R3HCC1L: variants seen among roughly 807,000 people sequenced by gnomAD.
R3HCC1L encodes R3H domain and coiled-coil containing 1 like.
Under a neutral mutation model 59.9 loss-of-function variants are expected in R3HCC1L, and 51 were observed. That is an observed-to-expected ratio of 0.85 (90% confidence interval 0.68 to 1.07). R3HCC1L has a LOEUF of 1.07. Ranked by LOEUF, R3HCC1L falls within the 50% of genes least tolerant of loss-of-function variation. R3HCC1L has a pLI of 0.00. For missense variants in R3HCC1L, 965 were observed against 933.0 expected, an observed-to-expected ratio of 1.03 and a Z score of -0.45; for synonymous variants, 322 against 315.2, an observed-to-expected ratio of 1.02 and a Z score of -0.23.
chr10:98,210,582 G>T (rs1211678046), intron 5 of R3HCC1L, among the ~76,000 whole-genome samples: 1 of 152,118 alleles, frequency 6.6e-6, no homozygotes, highest in Non-Finnish European at 1.5e-5. Context: ...AGAATCACTG[G>T]TTTTAAGTAG....
chr10:98,229,793 G>A (rs1856140033), intron 5 of R3HCC1L, among the ~76,000 whole-genome samples: 1 of 152,118 alleles, frequency 6.6e-6, no homozygotes, highest in Admixed American at 6.5e-5. Flanking sequence ...AGCATGAAGG[G>A]TTGTTGAATT....
chr10:98,146,516 C>T (rs1370596351), intron 1 of R3HCC1L, among the ~76,000 whole-genome samples: 1 of 152,194 alleles, frequency 6.6e-6, no homozygotes, highest in Non-Finnish European at 1.5e-5. Flanking sequence ...ATTCTATCTT[C>T]AAGAGATCCA....
intron 4 of R3HCC1L, among the ~76,000 whole-genome samples, chr10:98,166,322 A>G (rs7086751): frequency 0.025 from 3,768 of 152,298 alleles, 149 homozygotes; most frequent in African/African-American, 0.081. Flanking sequence ...TTGGACTTCT[A>G]GCTATTAGAA....
intron 5 of R3HCC1L, among the ~76,000 whole-genome samples, chr10:98,218,793 T>C (rs1406936955): frequency 6.6e-6 from 1 of 152,244 alleles, no homozygotes; most frequent in African/African-American, 2.4e-5. Flanking sequence ...CAGCTATTAT[T>C]GTATTGGAGT....
At chr10:98,146,422 AT>A (rs1455169768) in intron 1 of R3HCC1L, among the ~76,000 whole-genome samples, 1 of 152,172 alleles carries the variant, frequency 6.6e-6, no homozygotes, top group African/African-American at 2.4e-5. Flanking sequence ...CTTCTATCAA[AT>A]TGTATGTTTG....
intron 4 of R3HCC1L, among the ~76,000 whole-genome samples, chr10:98,180,970 T>C (rs1463924531): frequency 6.6e-6 from 1 of 152,216 alleles, no homozygotes; most frequent in African/African-American, 2.4e-5. Context: ...GTCTCCTGAA[T>C]ACAGCACACT....
At chr10:98,179,798 G>A (rs1849446399) in intron 4 of R3HCC1L, among the ~76,000 whole-genome samples, 1 of 152,088 alleles carries the variant, frequency 6.6e-6, no homozygotes, top group Non-Finnish European at 1.5e-5. Flanking sequence ...TTGGGAGGGT[G>A]TATATGTCCA....
chr10:98,208,819 A>G lies in R3HCC1L; in HGVS notation c.705A>G (p.Val235=), dbSNP rs2135262278. ...SSVMKPENMI[V]PIKLSSDSEI... ...TCATGAAACCTGAGAATATGATTGT[A>G]CCAATAAAACTAAGCTCTGATTCTG... The change falls in exon 5 of 10, where the codon GTA becomes GTG. Residue 235 remains valine, a synonymous_variant. Transcript: ENST00000298999. 6.2e-7 allele frequency: 1 copy of G among 1,614,116 alleles called. No homozygotes were observed. The highest frequency in any genetic ancestry group is 8.5e-7 in the Non-Finnish European group (1 of 1,180,006).
intron 6 of R3HCC1L, among the ~76,000 whole-genome samples, chr10:98,232,840 T>A (rs1856540156): frequency 6.6e-6 from 1 of 152,186 alleles, no homozygotes; most frequent in Non-Finnish European, 1.5e-5. Flanking sequence ...AAACTTTATT[T>A]ATAAAAAGAA....
At chr10:98,183,924 A>G (rs1319139599) in intron 4 of R3HCC1L, among the ~76,000 whole-genome samples, 1 of 109,684 alleles carries the variant, frequency 9.1e-6, no homozygotes, top group Non-Finnish European at 2.0e-5. Flanking sequence ...ATCTGGTTCT[A>G]TTGTTTTGTT....
intron 4 of R3HCC1L, among the ~76,000 whole-genome samples, chr10:98,199,718 T>C (rs1851835282): frequency 6.6e-6 from 1 of 151,972 alleles, no homozygotes; most frequent in Non-Finnish European, 1.5e-5. Context: ...GGAGACAAGA[T>C]TTATTAGTTA....
At chr10:98,194,179 A>G (rs1481567208) in intron 4 of R3HCC1L, among the ~76,000 whole-genome samples, 5 of 152,100 alleles carry the variant, frequency 3.3e-5, no homozygotes. Context: ...AAATAAACCC[A>G]CGTATAGTCA....
chr10:98,152,463 G>A (rs1420299641), intron 1 of R3HCC1L, among the ~76,000 whole-genome samples: 1 of 142,444 alleles, frequency 7.0e-6, no homozygotes, highest in African/African-American at 2.5e-5. Context: ...AATCTGGGAA[G>A]TGAGGAGCGC....
chr10:98,217,202 G>T (rs751759774), intron 5 of R3HCC1L, among the ~76,000 whole-genome samples: 2 of 152,116 alleles, frequency 1.3e-5, no homozygotes, highest in Non-Finnish European at 2.9e-5. Flanking sequence ...TTTGTATATG[G>T]TAAGAGATAG....
At chr10:98,162,999 CTT>C (rs1005926042) in intron 3 of R3HCC1L, 24 bp downstream of exon 3, 4 of 155,388 alleles carry the variant, frequency 2.6e-5, no homozygotes, top group African/African-American at 9.6e-5. Flanking sequence ...CGCCTGGCCT[CTT>C]TTTGTGATTT....
At chr10:98,193,715 T>C (rs2134916539) in intron 4 of R3HCC1L, among the ~76,000 whole-genome samples, 1 of 152,288 alleles carries the variant, frequency 6.6e-6, no homozygotes, top group South Asian at 2.1e-4. Flanking sequence ...TTCAGAATGC[T>C]TCAATGAGCA....
At chr10:98,187,166 C>G (rs1367622490) in intron 4 of R3HCC1L, among the ~76,000 whole-genome samples, 1 of 151,836 alleles carries the variant, frequency 6.6e-6, no homozygotes, top group Non-Finnish European at 1.5e-5. Context: ...TTGAGTAGCC[C>G]TTATCTGGAC....
chr10:98,239,351 C>T (rs138631982), intron 9 of R3HCC1L, among the ~76,000 whole-genome samples: 1 of 152,098 alleles, frequency 6.6e-6, no homozygotes, highest in African/African-American at 2.4e-5. Flanking sequence ...TTGACATGAC[C>T]ATTGCCAATT....
intron 4 of R3HCC1L, among the ~76,000 whole-genome samples, chr10:98,171,102 T>A (rs1848465980): frequency 6.6e-6 from 1 of 152,184 alleles, no homozygotes; most frequent in Admixed American, 6.5e-5. Context: ...GCCTTCACTC[T>A]CTCTGAAATT....
Sources: gnomAD v4.1 joint callset for allele counts (sites outside exome capture counted in the v4.1 genomes callset) on GRCh38, gnomAD v4.1.1 for gene constraint, MANE v1.5 for transcripts, NCBI Gene and HGNC (gene_info 2026-07-23, HGNC 2026-07-21) for gene names.